Variants in MYO1D observed in about 807,000 individuals in gnomAD.
MYO1D encodes the protein myosin ID.
In MYO1D, 83 loss-of-function variants were observed where a neutral mutation model predicts 122.0. That is an observed-to-expected ratio of 0.68 (90% CI 0.57 to 0.82). The LOEUF (loss-of-function observed/expected upper bound fraction) is 0.82. MYO1D is among the 40% of genes least tolerant of loss of function. The probability of loss-of-function intolerance (pLI) is 0.00; values close to 1 mark genes in which losing one functional copy is unlikely to be tolerated. For missense variants in MYO1D, 1,157 were observed against 1,269.5 expected (o/e 0.91, Z 1.35); for synonymous variants, 464 against 446.9 (o/e 1.04, Z -0.48).
At chr17:32,546,909 C>CTTTT (rs11410191) in intron 21 of MYO1D, among the ~76,000 whole-genome samples, 1 of 138,460 alleles carries the variant, frequency 7.2e-6, no homozygotes, top group Non-Finnish European at 1.5e-5. Context: ...AAATAAGAAC[C>CTTTT]TTTTTTTTTT....
intron 1 of MYO1D, among the ~76,000 whole-genome samples, chr17:32,797,778 G>A (rs531855215): frequency 2.2e-4 from 33 of 152,210 alleles, no homozygotes; most frequent in African/African-American, 6.7e-4. Context: ...AACGTCAAGC[G>A]CATGGATTAC....
At chr17:32,529,826 C>A (rs1487184930) in intron 21 of MYO1D, 1 of 152,174 alleles carries the variant, frequency 6.6e-6, no homozygotes, top group Non-Finnish European at 1.5e-5. Flanking sequence ...GGACAGCGCT[C>A]CTCACCGTGG....
chr17:32,820,265 G>A (rs552741897), intron 1 of MYO1D, among the ~76,000 whole-genome samples: 3 of 152,138 alleles, frequency 2.0e-5, no homozygotes, highest in African/African-American at 7.2e-5. Context: ...CCCACTTCTG[G>A]GTATATGTTC....
At chr17:32,581,741 TTGTG>T (rs35563167) in intron 21 of MYO1D, among the ~76,000 whole-genome samples, 3,505 of 148,144 alleles carry the variant, frequency 0.024, 142 homozygotes, top group African/African-American at 0.081. Flanking sequence ...CCTGGCTAAT[TTGTG>T]TGTGTGTGTG....
At chr17:32,522,050 C>T (rs1016672743) in intron 21 of MYO1D, among the ~76,000 whole-genome samples, 5 of 137,786 alleles carry the variant, frequency 3.6e-5, no homozygotes, top group African/African-American at 1.4e-4. Context: ...CCATTGCACT[C>T]CAGCCTGGGC....
intron 21 of MYO1D, among the ~76,000 whole-genome samples, chr17:32,601,341 G>C (rs1352210564): frequency 6.6e-6 from 1 of 152,140 alleles, no homozygotes; most frequent in Non-Finnish European, 1.5e-5. Flanking sequence ...CAATCTTGTT[G>C]TATCTCAGGG....
At chr17:32,779,867 TAA>T (rs1263691167) in intron 2 of MYO1D, among the ~76,000 whole-genome samples, 3 of 152,234 alleles carry the variant, frequency 2.0e-5, no homozygotes, top group Non-Finnish European at 4.4e-5. Context: ...ATAATGATTA[TAA>T]AAGTGTTTCT....
At chr17:32,706,031 G>A (rs2089304312) in intron 16 of MYO1D, among the ~76,000 whole-genome samples, 1 of 152,138 alleles carries the variant, frequency 6.6e-6, no homozygotes, top group Non-Finnish European at 1.5e-5. Flanking sequence ...ACCCAGTCTT[G>A]GGTATGTCTT....
At position 32,810,015 on chromosome 17, in the gene MYO1D, G is replaced by T. The variant is rs145490269; in HGVS notation, c.96-29231C>A. Among the ~76,000 whole-genome samples the T allele has an allele frequency of 7.0e-4, 107 of 152,288 alleles. 2 individuals carry two copies. Among genetic ancestry groups the T allele is most frequent in the African/African-American group, 2.6e-3 (106 of 41,556 alleles). ...AGTAAAGGGTGAAGGGAAAAGGCCA[G>T]GACAAAGCAAAAGCAGTGGCATGCA... On this transcript the variant is annotated intron_variant, in intron 1 of 21. Transcript: ENST00000318217.
intron 16 of MYO1D, among the ~76,000 whole-genome samples, chr17:32,675,171 C>A (rs902546076): frequency 6.6e-6 from 1 of 152,092 alleles, no homozygotes; most frequent in Admixed American, 6.6e-5. Context: ...TATTTGGGTG[C>A]ATGGTTTATC....
intron 1 of MYO1D, among the ~76,000 whole-genome samples, chr17:32,876,094 C>T (rs1033653892): frequency 1.3e-5 from 2 of 152,080 alleles, no homozygotes; most frequent in African/African-American, 2.4e-5. Context: ...AAACCATGAA[C>T]GTCTTGTCAA....
chr17:32,659,557 A>C, intron 16 of MYO1D: 1 of 573,902 alleles, frequency 1.7e-6, no homozygotes, highest in Non-Finnish European at 3.1e-6. Flanking sequence ...GCTGCTCATT[A>C]TTCTACACTG....
chr17:32,521,809 C>T (rs1042922196), intron 21 of MYO1D, among the ~76,000 whole-genome samples: 2 of 151,396 alleles, frequency 1.3e-5, no homozygotes, highest in East Asian at 1.9e-4. Context: ...TTAGGCCAGG[C>T]GCGGTGGCTC....
At chr17:32,676,434 T>C (rs1317026681) in intron 16 of MYO1D, among the ~76,000 whole-genome samples, 1 of 152,072 alleles carries the variant, frequency 6.6e-6, no homozygotes, top group African/African-American at 2.4e-5. Context: ...AATAAACTTT[T>C]TATTACATTT....
At chr17:32,702,116 A>G (rs1467618054) in intron 16 of MYO1D, among the ~76,000 whole-genome samples, 1 of 152,224 alleles carries the variant, frequency 6.6e-6, no homozygotes, top group East Asian at 1.9e-4. Flanking sequence ...GGAGAAGTAC[A>G]GCTAATCCTG....
At position 32,873,912 on chromosome 17, in the gene MYO1D, T is replaced by C. The variant is rs115365723; in HGVS notation, c.95+2866A>G. Among the ~76,000 whole-genome samples the C allele has an allele frequency of 4.4e-3, 663 of 152,344 alleles. 5 individuals carry two copies. Among genetic ancestry groups the C allele is most frequent in the African/African-American group, 0.015 (643 of 41,580 alleles). ...ACCTGGGCCTTAGCCAATGGCCATA[T>C]GGAGAGCTGGTGATTCCTCCCACCT... On this transcript the variant is annotated intron_variant, in intron 1 of 21. Transcript: ENST00000318217.
chr17:32,704,835 A>T (rs1443732847), intron 16 of MYO1D, among the ~76,000 whole-genome samples: 1 of 152,228 alleles, frequency 6.6e-6, no homozygotes, highest in Non-Finnish European at 1.5e-5. Flanking sequence ...AAATGTGTAG[A>T]GAGTAAAGAT....
intron 1 of MYO1D, among the ~76,000 whole-genome samples, chr17:32,861,068 C>CT (rs1205679858): frequency 0.082 from 11,193 of 135,702 alleles, 833 homozygotes; most frequent in East Asian, 0.19. Flanking sequence ...GGTGTTTATT[C>CT]TTTTTTTTTT....
chr17:32,862,447 T>C (rs1022844674), intron 1 of MYO1D, among the ~76,000 whole-genome samples: 1 of 152,208 alleles, frequency 6.6e-6, no homozygotes, highest in African/African-American at 2.4e-5. Flanking sequence ...TACCATGCTA[T>C]GTGAGAAAAC....
Sources: allele counts gnomAD v4.1 joint callset (sites outside exome capture counted in the v4.1 genomes callset), GRCh38; gene constraint gnomAD v4.1.1; transcripts MANE v1.5; gene names NCBI Gene and HGNC (gene_info 2026-07-23, HGNC 2026-07-21).